NUP93: variants seen among roughly 807,000 people sequenced by gnomAD.
The protein encoded by NUP93 is nuclear pore complex protein Nup93.
NUP93 carries 55 observed loss-of-function variants against 107.8 expected under a neutral mutation model. The ratio of observed to expected loss-of-function variants is 0.51; its 90% confidence interval spans 0.41 to 0.64. The LOEUF (loss-of-function observed/expected upper bound fraction) is 0.64. NUP93 is among the 30% of genes least tolerant of loss of function. The pLI is 0.00. For synonymous variants in NUP93, 390 were observed against 397.5 expected (o/e 0.98, Z 0.22); for missense variants, 937 against 1,044.7 (o/e 0.90, Z 1.42).
intron 8 of NUP93, among the ~76,000 whole-genome samples, chr16:56,825,282 G>A (rs1963636256): frequency 6.8e-6 from 1 of 146,848 alleles, no homozygotes; most frequent in South Asian, 2.1e-4. Context: ...TGTGATCTTG[G>A]CTCTGTGCAA....
At chr16:56,790,392 T>C (rs755898926) in intron 3 of NUP93, among the ~76,000 whole-genome samples, 6 of 152,188 alleles carry the variant, frequency 3.9e-5, no homozygotes, top group Non-Finnish European at 5.9e-5. Flanking sequence ...TTATCAGTAA[T>C]GAACATCTCT....
At chr16:56,758,389 T>C (rs1962065215) in intron 2 of NUP93, 149 bp from the exon 3 acceptor site, 1 of 633,488 alleles carries the variant, frequency 1.6e-6, no homozygotes, top group Non-Finnish European at 2.8e-6. Flanking sequence ...TGGAAAGATA[T>C]AAAACAACTA....
intron 5 of NUP93, among the ~76,000 whole-genome samples, chr16:56,811,720 C>T (rs1187602655): frequency 6.6e-6 from 1 of 152,172 alleles, no homozygotes; most frequent in Non-Finnish European, 1.5e-5. Flanking sequence ...ATCTGCCCTC[C>T]TCTGTTTCCC....
chr16:56,829,125 T>C lies in NUP93; in HGVS notation c.927+16T>C. The stretch of plus-strand genomic sequence containing the variant: ...TGGACTACAGGTACTGACAACTTTC[T>C]CTGTGTGATCAGTTACACCCCCAGA... On this transcript the variant is annotated intron_variant, in intron 9 of 21. Coordinates refer to ENST00000308159, the MANE Select transcript of NUP93 (RefSeq NM_014669.5). The C allele has an allele frequency of 6.2e-7, 1 of 1,608,656 alleles. No individual in the cohort carries two copies. Among genetic ancestry groups the C allele is most frequent in the Non-Finnish European group, 8.5e-7 (1 of 1,178,540 alleles).
intron 4 of NUP93, 131 bp downstream of exon 4, chr16:56,798,669 A>G: frequency 1.3e-6 from 1 of 750,878 alleles, no homozygotes; most frequent in Non-Finnish European, 2.3e-6. Context: ...GGAATTCAAG[A>G]TCAGCCTAGG....
chr16:56,753,752 A>G (rs1961966378), intron 2 of NUP93, among the ~76,000 whole-genome samples: 1 of 152,208 alleles, frequency 6.6e-6, no homozygotes, highest in African/African-American at 2.4e-5. Flanking sequence ...ATGAAAAGAG[A>G]TTTAGGAGGC....
intron 3 of NUP93, among the ~76,000 whole-genome samples, chr16:56,792,730 T>G (rs1466410322): frequency 6.6e-6 from 1 of 152,258 alleles, no homozygotes; most frequent in Non-Finnish European, 1.5e-5. Context: ...ATAAGCATAC[T>G]CTGAGCCTCA....
intron 12 of NUP93, among the ~76,000 whole-genome samples, chr16:56,833,003 A>T (rs1450997829): frequency 6.6e-6 from 1 of 152,202 alleles, no homozygotes; most frequent in Non-Finnish European, 1.5e-5. Context: ...CAGTAATGTT[A>T]TGAGGTCTAG....
intron 3 of NUP93, among the ~76,000 whole-genome samples, chr16:56,762,876 C>CG (rs1962150950): frequency 1.3e-5 from 2 of 152,116 alleles, no homozygotes; most frequent in South Asian, 4.1e-4. Context: ...TCCATCTTCA[C>CG]GGGGTTCTTC....
At chr16:56,740,233 G>A (rs1164798825) in intron 1 of NUP93, among the ~76,000 whole-genome samples, 6 of 146,752 alleles carry the variant, frequency 4.1e-5, no homozygotes, top group African/African-American at 1.5e-4. Flanking sequence ...CTCAGACGGG[G>A]CAGCTGCCGG....
intron 9 of NUP93, among the ~76,000 whole-genome samples, chr16:56,829,644 T>C (rs1963739617): frequency 6.6e-6 from 1 of 152,140 alleles, no homozygotes; most frequent in Non-Finnish European, 1.5e-5. Flanking sequence ...TTCACCAACC[T>C]GAAGTTTTGG....
chr16:56,839,641 T>TC, intron 20 of NUP93, 37 bp downstream of exon 20: 6 of 1,487,204 alleles, frequency 4.0e-6, no homozygotes, highest in African/African-American at 1.4e-5. Flanking sequence ...AATTCCTTTT[T>TC]CCCCACTTCC....
At chr16:56,808,083 AT>A (rs1254386561) in intron 5 of NUP93, among the ~76,000 whole-genome samples, 2 of 140,420 alleles carry the variant, frequency 1.4e-5, no homozygotes, top group African/African-American at 5.2e-5. Context: ...AAATATAAAA[AT>A]ATATAAATAT....
intron 1 of NUP93, among the ~76,000 whole-genome samples, chr16:56,736,395 T>G (rs1713839514): frequency 6.6e-6 from 1 of 152,198 alleles, no homozygotes; most frequent in Non-Finnish European, 1.5e-5. Context: ...GAATATCATG[T>G]TATCTGAGTC....
rs1208947591 is a variant in NUP93 at position 56,848,096 on chromosome 16, A to G, written c.*3487A>G. On this transcript the variant is annotated 3_prime_UTR_variant, in exon 22 of 22. Coordinates refer to ENST00000308159, the MANE Select transcript of NUP93 (RefSeq NM_014669.5). The stretch of plus-strand genomic sequence containing the variant: ...TCCTGCTTTAGACTGGATCTCTACT[A>G]TCCTTTTTCTCTACTAGGCACCAGA... The G allele has an allele frequency of 5.9e-5, 9 of 152,192 alleles. No homozygotes were observed. The highest frequency in any genetic ancestry group is 1.2e-4 in the Non-Finnish European group (8 of 68,046). The allele number at this position is 152,192 out of a possible 1,614,324, so 9.4% of individuals were successfully genotyped here.
intron 2 of NUP93, among the ~76,000 whole-genome samples, chr16:56,752,224 A>G (rs920307501): frequency 8.5e-5 from 13 of 152,166 alleles, no homozygotes; most frequent in African/African-American, 2.9e-4. Context: ...CAGCAATTCC[A>G]CTTCTAGGGT....
chr16:56,775,046 C>T (rs1350160305), intron 3 of NUP93, among the ~76,000 whole-genome samples: 1 of 151,878 alleles, frequency 6.6e-6, no homozygotes, highest in Admixed American at 6.6e-5. Context: ...ACTACAGGCA[C>T]ATGCCACCAT....
chr16:56,798,586 G>A, intron 4 of NUP93, 48 bp downstream of exon 4: 1 of 1,468,298 alleles, frequency 6.8e-7, no homozygotes, highest in East Asian at 2.3e-5. Context: ...AGGGCAAGAG[G>A]GCTGGGCGTG....
At chr16:56,834,042 T>C in intron 13 of NUP93, 86 bp from the exon 14 acceptor site, 1 of 1,574,722 alleles carries the variant, frequency 6.4e-7, no homozygotes, top group Admixed American at 1.7e-5. Context: ...TGCTGCTGGG[T>C]CTGTGGATTC....
Sources: gnomAD v4.1 joint callset for allele counts (sites outside exome capture counted in the v4.1 genomes callset) on GRCh38, gnomAD v4.1.1 for gene constraint, MANE v1.5 for transcripts, NCBI Gene and HGNC (gene_info 2026-07-23, HGNC 2026-07-21) for gene names.